The following CSF2RB variants were observed in gnomAD, a reference collection of about 807,000 sequenced individuals.
CSF2RB encodes cytokine receptor common subunit beta.
A neutral mutation model predicts 67.2 loss-of-function variants in CSF2RB; 22 were observed. The observed-to-expected ratio is 0.33, with a 90% CI of 0.23 to 0.47. The LOEUF (loss-of-function observed/expected upper bound fraction) is 0.47, where lower values mean the gene tolerates loss of function less well. Ranked by LOEUF, CSF2RB falls within the 20% of genes least tolerant of loss-of-function variation. The pLI, the probability that CSF2RB is intolerant of heterozygous loss-of-function variation, is 1.00. For synonymous variants in CSF2RB, 507 were observed against 482.9 expected (o/e 1.05, Z -0.65); for missense variants, 1,113 against 1,174.5 (o/e 0.95, Z 0.76).
chr22:36,934,146 A>G (rs1410975458), intron 10 of CSF2RB, 152 bp downstream of exon 10: 7 of 1,113,540 alleles, frequency 6.3e-6, no homozygotes, highest in Middle Eastern at 5.1e-4. Context: ...GAGAAAGGGA[A>G]GGCCTTTGCA....
intron 2 of CSF2RB, chr22:36,922,864 C>T (rs1038185015): frequency 8.7e-6 from 3 of 346,728 alleles, no homozygotes; most frequent in South Asian, 8.0e-5. Flanking sequence ...GGGTAGAACT[C>T]TGCCACGCTG....
At chr22:36,916,069 G>A (rs776120542) in intron 1 of CSF2RB, among the ~76,000 whole-genome samples, 13 of 152,088 alleles carry the variant, frequency 8.5e-5, no homozygotes, top group Non-Finnish European at 1.5e-4. Context: ...TCTTTACCAT[G>A]TTTAAGATGT....
intron 2 of CSF2RB, chr22:36,922,826 G>T (rs1430491681): frequency 3.3e-6 from 1 of 304,600 alleles, no homozygotes; most frequent in Non-Finnish European, 6.3e-6. Context: ...CCTGAGGACG[G>T]GGACTAGAGA....
chr22:36,922,257 G>A lies in CSF2RB; in HGVS notation c.50G>A (p.Trp17Ter). The stretch of plus-strand genomic sequence containing the variant: ...TCCATGGCCCTGCTGGCCCTGTGCT[G>A]GGAGCGCAGCCTGGCAGGGGCAGAA... The part of the protein sequence containing the change: ...LLSMALLALC[W>*]ERSLAGAEET... Residue 17 changes from tryptophan (W) to a stop codon, truncating the protein, a stop_gained, in exon 2 of 14, where the codon TGG (tryptophan) becomes TAG (stop). Coordinates refer to ENST00000403662, the MANE Select transcript of CSF2RB (RefSeq NM_000395.3). LOFTEE classifies it high-confidence loss of function. The A allele has an allele frequency of 1.3e-6, 2 of 1,584,402 alleles. No individual in the cohort carries two copies. Among genetic ancestry groups the A allele is most frequent in the African/African-American group, 1.3e-5 (1 of 74,572 alleles).
chr22:36,923,586 T>G (rs1177548237), intron 3 of CSF2RB, among the ~76,000 whole-genome samples: 1 of 152,218 alleles, frequency 6.6e-6, no homozygotes, highest in African/African-American at 2.4e-5. Context: ...GAGTGCCTCC[T>G]ACACTGATGT....
At chr22:36,925,464 C>T (rs924248439) in intron 3 of CSF2RB, among the ~76,000 whole-genome samples, 3 of 152,194 alleles carry the variant, frequency 2.0e-5, no homozygotes, top group Non-Finnish European at 4.4e-5. Flanking sequence ...CCCACTCACT[C>T]GCAGTGAGAT....
rs1026342377 is a variant in CSF2RB, at chr22:36,919,446, G to A, written c.-172-2590G>A. 2.6e-5 allele frequency among the ~76,000 whole-genome samples: 4 copies of A among 152,154 alleles called. No individual in the cohort carries two copies. The East Asian group carries it at 7.7e-4, about 29-fold the overall frequency. On this transcript the variant is annotated intron_variant, in intron 1 of 13. Transcript: ENST00000403662. ...TTGTTTTTTTGAGACAGAGTCTCAG[G>A]CTGGAGTGCCATGGCAACGGTCTCA...
intron 3 of CSF2RB, 113 bp from the exon 4 acceptor site, chr22:36,925,874 A>G: frequency 8.4e-7 from 1 of 1,195,326 alleles, no homozygotes; most frequent in South Asian, 1.3e-5. Flanking sequence ...GTGTTTTATC[A>G]CTGCTGGCCC....
intron 1 of CSF2RB, among the ~76,000 whole-genome samples, chr22:36,914,393 C>T (rs1461234050): frequency 4.1e-5 from 6 of 145,726 alleles, no homozygotes; most frequent in Non-Finnish European, 9.1e-5. Context: ...CCAGCAATCT[C>T]TCTCTCTCTC....
intron 9 of CSF2RB, 23 bp downstream of exon 9, chr22:36,932,927 G>C (rs775759723): frequency 6.2e-7 from 1 of 1,613,156 alleles, no homozygotes; most frequent in Non-Finnish European, 8.5e-7. Context: ...GCCCAGGGAG[G>C]GGAGAAACAC....
Position 36,933,977 on chromosome 22 carries a change from C to A in CSF2RB, c.1298C>A (p.Ser433Tyr). 1 of 1,612,754 alleles carries A rather than the reference C, an allele frequency of 6.2e-7. No individual in the cohort carries two copies. The highest frequency in any genetic ancestry group is 8.5e-7 in the Non-Finnish European group (1 of 1,179,994). ...TGGAGCGAGTGGAGTGAGGCGCGCT[C>A]CTGGGACACCGAGTCGGGTAGGTGA... ...GIWSEWSEAR[S>Y]WDTESVLPMW... The change falls in exon 10 of 14, where the codon TCC becomes TAC. Residue 433 changes from serine (S) to tyrosine (Y), a missense_variant. This residue lies in a region of CSF2RB where 559 missense variants were observed against 656.5 expected (regional missense o/e 0.85). Transcript: ENST00000403662.
chr22:36,924,268 C>T (rs1259779126), intron 3 of CSF2RB, among the ~76,000 whole-genome samples: 5 of 149,326 alleles, frequency 3.3e-5, no homozygotes, highest in Admixed American at 3.3e-4. Context: ...CACACTCACA[C>T]TCCCCACCCC....
Position 36,930,524 on chromosome 22 carries a change from T to C in CSF2RB, c.854+14T>C, listed in dbSNP as rs2145807798. Reference sequence around the variant, plus strand: ...CCCAGATGCAGGGTGAGCATCTTTTTTCTCCATCCCCTCCCCTCCTCTTGG... The same window carrying C: ...CCCAGATGCAGGGTGAGCATCTTTTCTCTCCATCCCCTCCCCTCCTCTTGG... On this transcript the variant is annotated intron_variant, in intron 7 of 13. Transcript: ENST00000403662. 1 of 1,612,954 alleles carries C rather than the reference T, an allele frequency of 6.2e-7. No homozygotes were observed. Among genetic ancestry groups the C allele is most frequent in the Non-Finnish European group, 8.5e-7 (1 of 1,179,992 alleles).
rs1941011598 is a variant in CSF2RB, at chr22:36,926,145, G to A, written c.359G>A (p.Gly120Asp). ...YFSFQPDRPL[G>D]TRLTVTLTQH... ...TCATTCCAACCAGACAGGCCTCTGG[G>A]CACCCGGCTCACCGTCACTCTGACC... The change falls in exon 4 of 14, where the codon GGC becomes GAC. Residue 120 changes from glycine to aspartate, a missense_variant. Physicochemically the swap from Gly to Asp is moderately conservative, Grantham distance 94. Around this residue, in one of 2 missense-constraint regions of CSF2RB, gnomAD observed 559 missense variants for 656.5 expected, o/e 0.85. Coordinates refer to ENST00000403662, the MANE Select transcript of CSF2RB (RefSeq NM_000395.3). The A allele has an allele frequency of 1.9e-6, 3 of 1,614,016 alleles. No individual in the cohort carries two copies. Among genetic ancestry groups the A allele is most frequent in the African/African-American group, 1.3e-5 (1 of 74,924 alleles).
chr22:36,927,109 G>T (rs1366516009), intron 4 of CSF2RB, among the ~76,000 whole-genome samples: 1 of 152,180 alleles, frequency 6.6e-6, no homozygotes, highest in Non-Finnish European at 1.5e-5. Context: ...GAACCACCTG[G>T]TGCTCTTTGC....
chr22:36,928,430 G>A (rs2145801526), intron 4 of CSF2RB, among the ~76,000 whole-genome samples: 1 of 152,300 alleles, frequency 6.6e-6, no homozygotes, highest in South Asian at 2.1e-4. Context: ...GGGTGAGGAG[G>A]GGCGGTTCCC....
intron 12 of CSF2RB, among the ~76,000 whole-genome samples, chr22:36,936,134 G>T (rs1941261081): frequency 6.6e-6 from 1 of 152,148 alleles, no homozygotes; most frequent in Admixed American, 6.5e-5. Flanking sequence ...GAGCTGAAGG[G>T]GTGGGACAGG....
chr22:36,926,758 G>A (rs1347376829), intron 4 of CSF2RB, among the ~76,000 whole-genome samples: 2 of 152,220 alleles, frequency 1.3e-5, no homozygotes, highest in East Asian at 1.9e-4. Flanking sequence ...TATGTAGTTA[G>A]GTTTTATTTG....
chr22:36,922,149 A>G lies in CSF2RB; in HGVS notation c.-59A>G. 1 of 1,475,242 alleles carries G rather than the reference A, an allele frequency of 6.8e-7. No individual in the cohort carries two copies. The highest frequency in any genetic ancestry group is 9.2e-7 in the Non-Finnish European group (1 of 1,083,112). The allele number at this position is 1,475,242 out of a possible 1,614,324, so 91.4% of individuals were successfully genotyped here. A position where few individuals can be genotyped will look rare whatever the true frequency, so the allele number is the denominator to read the frequency against. ...ACTTCAGGACACTAAGGACCCTGTCATGCCCATGGCCAGCACCCACCAGTG... is the reference window on the plus strand; with the variant it reads ...ACTTCAGGACACTAAGGACCCTGTCGTGCCCATGGCCAGCACCCACCAGTG... On this transcript the variant is annotated 5_prime_UTR_variant, in exon 2 of 14. An upstream start codon of the reference 5' UTR is lost. Coordinates refer to ENST00000403662, the MANE Select transcript of CSF2RB (RefSeq NM_000395.3).
Sources: gnomAD v4.1 joint callset for allele counts (sites outside exome capture counted in the v4.1 genomes callset) on GRCh38, gnomAD v4.1.1 for gene constraint, gnomAD v4.1.1 regional missense constraint, MANE v1.5 for transcripts, NCBI Gene and HGNC (gene_info 2026-07-23, HGNC 2026-07-21) for gene names.